The following ADAM8 variants were observed in gnomAD, a reference collection of about 807,000 sequenced individuals.
ADAM8 encodes the protein disintegrin and metalloproteinase domain-containing protein 8.
Under a neutral mutation model 102.4 loss-of-function variants are expected in ADAM8, and 104 were observed. The ratio of observed to expected loss-of-function variants is 1.02; its 90% confidence interval spans 0.87 to 1.20. The LOEUF (loss-of-function observed/expected upper bound fraction) is 1.20. Ranked by LOEUF, ADAM8 falls within the 50% of genes most tolerant of loss-of-function variation. ADAM8 has a pLI of 0.00. For synonymous variants in ADAM8, 517 were observed against 485.2 expected (o/e 1.07, Z -0.86); for missense variants, 1,132 against 1,159.0 (o/e 0.98, Z 0.34).
intron 21 of ADAM8, among the ~76,000 whole-genome samples, chr10:133,264,048 TTTTCC>T (rs1263392389): frequency 4.7e-5 from 7 of 147,554 alleles, no homozygotes; most frequent in South Asian, 2.1e-4. Flanking sequence ...CCAAGAGCTT[TTTTCC>T]TTTCCTTTTT....
At position 133,268,880 on chromosome 10, in the gene ADAM8, C is replaced by T. The variant is rs1230046990; in HGVS notation, c.1949-18G>A. On this transcript the variant is annotated intron_variant, in intron 18 of 22. Coordinates refer to ENST00000445355, the MANE Select transcript of ADAM8 (RefSeq NM_001109.5). ...CCCGGACGCTGTGGGACACACGGCC[C>T]CACATCAGGCAGGCAGGCCGCGACC... 1 of 1,600,910 alleles carries T rather than the reference C, an allele frequency of 6.2e-7. No homozygotes were observed. Among genetic ancestry groups the T allele is most frequent in the South Asian group, 1.1e-5 (1 of 90,622 alleles).
chr10:133,269,383 G>T, intron 18 of ADAM8, 62 bp downstream of exon 18: 1 of 1,418,572 alleles, frequency 7.0e-7, no homozygotes, highest in South Asian at 1.5e-5. Context: ...TTCTGCCTGG[G>T]CTCTGTTCGG....
intron 21 of ADAM8, 91 bp downstream of exon 21, chr10:133,267,261 C>T (rs1270501969): frequency 1.6e-5 from 22 of 1,394,910 alleles, no homozygotes; most frequent in Non-Finnish European, 2.2e-5. Context: ...CCTGGGGATC[C>T]CTGGCCCCCG....
chr10:133,269,364 G>A, intron 18 of ADAM8, 81 bp downstream of exon 18: 1 of 1,371,840 alleles, frequency 7.3e-7, no homozygotes, highest in East Asian at 2.6e-5. Flanking sequence ...AGCTTCCCGG[G>A]CCCGCGGCTT....
chr10:133,264,825 G>A (rs564848403), intron 21 of ADAM8, among the ~76,000 whole-genome samples: 13 of 140,468 alleles, frequency 9.3e-5, no homozygotes, highest in African/African-American at 3.3e-4. Context: ...CTACCTCCAC[G>A]CCCGGCTCCT....
intron 19 of ADAM8, among the ~76,000 whole-genome samples, 199 bp downstream of exon 19, chr10:133,268,549 G>A (rs1846406267): frequency 6.6e-6 from 1 of 152,134 alleles, no homozygotes; most frequent in Admixed American, 6.5e-5. Context: ...GGAAGGTGGA[G>A]TCCAGAGTGG....
intron 21 of ADAM8, among the ~76,000 whole-genome samples, chr10:133,265,067 A>G (rs28712327): frequency 6.6e-4 from 51 of 77,194 alleles, no homozygotes; most frequent in African/African-American, 1.9e-3. Flanking sequence ...CTCCACGCCC[A>G]GCTCCTGCTG....
chr10:133,268,077 AG>A lies in ADAM8; in HGVS notation c.2104del (p.Leu702CysfsTer44). The part of the protein sequence containing the change: ...PKTTMGRSNP[L>X]FHQAASRVPA... ...CACGCGGCTGGCAGCCTGGTGGAAC[AG>A]GGGGTTGGAGCGCCCCATTGTGGTC... On this transcript the variant is annotated frameshift_variant, in exon 20 of 23. Coordinates refer to ENST00000445355, the MANE Select transcript of ADAM8 (RefSeq NM_001109.5). LOFTEE classifies it high-confidence loss of function. 2 of 1,273,580 alleles carry A rather than the reference AG, an allele frequency of 1.6e-6. No individual in the cohort carries two copies. The highest frequency in any genetic ancestry group is 2.0e-6 in the Non-Finnish European group (2 of 1,002,788). The allele number at this position is 1,273,580 out of a possible 1,614,324, so 78.9% of individuals were successfully genotyped here.
chr10:133,271,416 A>G (rs1846520247), intron 12 of ADAM8, 112 bp downstream of exon 12: 1 of 1,464,334 alleles, frequency 6.8e-7, no homozygotes, highest in South Asian at 1.3e-5. Context: ...CGCTCTGGAC[A>G]CCCACAGAGC....
chr10:133,273,873 TGCCCCCATGGCCCCACAGGCTCGGGGAGG>T, intron 4 of ADAM8, 35 bp from the exon 5 acceptor site: 1 of 1,550,444 alleles, frequency 6.4e-7, no homozygotes, highest in Non-Finnish European at 8.7e-7. Context: ...CCACAGGCTG[TGCCCCCATGGCCCCACAGGCTCGGGGAGG>T]GCCGCCCAGC....
chr10:133,271,329 C>A (rs1264566971), intron 12 of ADAM8, 40 bp from the exon 13 acceptor site: 2 of 1,588,668 alleles, frequency 1.3e-6, no homozygotes, highest in Non-Finnish European at 1.7e-6. Flanking sequence ...TGCACTGGGG[C>A]CGGGCTGGGC....
At chr10:133,263,516 C>CA (rs1846227017) in intron 22 of ADAM8, among the ~76,000 whole-genome samples, 172 bp downstream of exon 22, 2 of 152,178 alleles carry the variant, frequency 1.3e-5, no homozygotes, top group African/African-American at 4.8e-5. Flanking sequence ...AGCACAGATA[C>CA]CACAGTACAG....
Position 133,263,765 on chromosome 10 carries a change from C to G in ADAM8, c.2320G>C (p.Val774Leu), listed in dbSNP as rs746750105. 6.4e-7 allele frequency: 1 copy of G among 1,558,372 alleles called. No homozygotes were observed. Among genetic ancestry groups the G allele is most frequent in the Non-Finnish European group, 8.7e-7 (1 of 1,151,616 alleles). The part of the protein sequence containing the change: ...PVYTRQAPKQ[V>L]IKPTFAPPVP... ...GGGGGTGCGAACGTTGGCTTGATGA[C>G]CTGGGAGGAAACAGACACAGCTGAC... The change falls in exon 22 of 23, where the codon GTC (valine) becomes CTC (leucine). Residue 774 changes from valine (V) to leucine (L), a missense_variant and splice_region_variant. Physicochemically the swap from Val to Leu is conservative, Grantham distance 32 (BLOSUM62 1). Transcript: ENST00000445355.
Position 133,271,225 on chromosome 10 carries a change from TG to T in ADAM8, c.1348del (p.His450ThrfsTer10). 1 of 1,611,914 alleles carries T rather than the reference TG, an allele frequency of 6.2e-7. No homozygotes were observed. The highest frequency in any genetic ancestry group is 8.5e-7 in the Non-Finnish European group (1 of 1,179,742). The stretch of plus-strand genomic sequence containing the variant: ...CTTGCACTCCTGGCAGCAGGTACCG[TG>T]CGCACACTGGGCCCCCTCAGCCAGC... ...CQLAEGAQCA[H>X]GTCCQECKVK... On this transcript the variant is annotated frameshift_variant, in exon 13 of 23. Transcript: ENST00000445355. LOFTEE classifies it high-confidence loss of function.
At position 133,272,811 on chromosome 10, in the gene ADAM8, T is replaced by A. The variant is rs1255955480; in HGVS notation, c.692A>T (p.Asn231Ile). The change falls in exon 8 of 23, where the codon AAT becomes ATT. Residue 231 changes from asparagine (N) to isoleucine (I), a missense_variant. Coordinates refer to ENST00000445355, the MANE Select transcript of ADAM8 (RefSeq NM_001109.5). ...AVRHRVLEVV[N>I]HVDKLYQKLN... is the part of the protein sequence containing the mutation. ...ACCGCTGCCCACCTTGTCCACGTGA[T>A]TCACCACCTCCAGCACCCGATGACG... 2 of 1,609,892 alleles carry A rather than the reference T, an allele frequency of 1.2e-6. No homozygotes were observed. The highest frequency in any genetic ancestry group is 1.7e-6 in the Non-Finnish European group (2 of 1,178,402).
chr10:133,264,241 TG>T (rs1846254948), intron 21 of ADAM8, among the ~76,000 whole-genome samples: 1 of 151,644 alleles, frequency 6.6e-6, no homozygotes, highest in Non-Finnish European at 1.5e-5. Context: ...TTTTATTTTT[TG>T]TAGAGACGGG....
At chr10:133,273,642 A>ACCT in intron 5 of ADAM8, 120 bp downstream of exon 5, 1 of 1,332,388 alleles carries the variant, frequency 7.5e-7, no homozygotes. Context: ...CCCATGCAAG[A>ACCT]CAGCAAAGGC....
intron 2 of ADAM8, 137 bp downstream of exon 2, chr10:133,275,347 C>T (rs1846712491): frequency 1.6e-6 from 1 of 633,112 alleles, no homozygotes; most frequent in Admixed American, 3.5e-5. Flanking sequence ...CGGAGATGGG[C>T]CCCAGGGGGC....
Position 133,272,947 on chromosome 10 carries a change from C to T in ADAM8, c.636+10G>A. On this transcript the variant is annotated intron_variant, in intron 7 of 22. Transcript: ENST00000445355. ...CGGCTGCTCTCCCACCTTCCCTGCCCCCAACACACCTCTGCATTGTCCACG... is the reference window on the plus strand; with the variant it reads ...CGGCTGCTCTCCCACCTTCCCTGCCTCCAACACACCTCTGCATTGTCCACG... The T allele has an allele frequency of 6.2e-7, 1 of 1,612,876 alleles. No homozygotes were observed. Among genetic ancestry groups the T allele is most frequent in the Non-Finnish European group, 8.5e-7 (1 of 1,179,860 alleles).
Sources: allele counts gnomAD v4.1 joint callset (sites outside exome capture counted in the v4.1 genomes callset), GRCh38; gene constraint gnomAD v4.1.1; transcripts MANE v1.5; gene names NCBI Gene and HGNC (gene_info 2026-07-23, HGNC 2026-07-21).